LRRC4C: variants seen among roughly 807,000 people sequenced by gnomAD.
LRRC4C encodes the protein leucine-rich repeat-containing protein 4C.
Under a neutral mutation model 33.6 loss-of-function variants are expected in LRRC4C, and 5 were observed. That is an observed-to-expected ratio of 0.15 (90% CI 0.08 to 0.31). The LOEUF is 0.31. Among genes scored for constraint, LRRC4C ranks in the 10% least tolerant of loss-of-function variants. The probability of loss-of-function intolerance (pLI) is 1.00; values close to 1 mark genes in which losing one functional copy is unlikely to be tolerated. For missense variants in LRRC4C, 560 were observed against 796.7 expected, an observed-to-expected ratio of 0.70 and a Z score of 3.58; for synonymous variants, 329 against 302.0, an observed-to-expected ratio of 1.09 and a Z score of -0.93.
At chr11:40,496,265 TA>T (rs886534991) in intron 3 of LRRC4C, among the ~76,000 whole-genome samples, 5 of 133,152 alleles carry the variant, frequency 3.8e-5, no homozygotes, top group Non-Finnish European at 6.8e-5. Context: ...GCATAATCTC[TA>T]TTAGTTGTCT....
At chr11:40,484,740 A>G (rs949584772) in intron 3 of LRRC4C, among the ~76,000 whole-genome samples, 2 of 152,142 alleles carry the variant, frequency 1.3e-5, no homozygotes, top group African/African-American at 4.8e-5. Flanking sequence ...ATGGAAAAAA[A>G]GAATTATTCC....
At chr11:41,015,929 G>T (rs1264436393) in intron 1 of LRRC4C, among the ~76,000 whole-genome samples, 1 of 152,128 alleles carries the variant, frequency 6.6e-6, no homozygotes, top group Non-Finnish European at 1.5e-5. Flanking sequence ...GGCGGAGCTT[G>T]CAGTGAGCCG....
intron 1 of LRRC4C, among the ~76,000 whole-genome samples, chr11:41,015,413 C>T (rs1855510909): frequency 6.6e-6 from 1 of 152,132 alleles, no homozygotes; most frequent in Non-Finnish European, 1.5e-5. Context: ...ACTGCAACTT[C>T]TACCTCTTGA....
At chr11:41,422,306 C>G (rs1452247286) in intron 1 of LRRC4C, among the ~76,000 whole-genome samples, 1 of 151,976 alleles carries the variant, frequency 6.6e-6, no homozygotes, top group Non-Finnish European at 1.5e-5. Context: ...CCAACTATGA[C>G]AATCCCTTCT....
intron 1 of LRRC4C, among the ~76,000 whole-genome samples, chr11:41,155,359 G>T (rs1416341761): frequency 6.6e-6 from 1 of 152,126 alleles, no homozygotes. Context: ...TACACAGATT[G>T]TATGGTTATT....
At chr11:41,368,550 C>T (rs550361774) in intron 1 of LRRC4C, among the ~76,000 whole-genome samples, 6 of 152,264 alleles carry the variant, frequency 3.9e-5, no homozygotes, top group Non-Finnish European at 4.4e-5. Context: ...TTCTAAATAG[C>T]ACCTTTGGAA....
chr11:41,279,381 AACACACACACACACACACAC>A (rs575973002), intron 1 of LRRC4C, among the ~76,000 whole-genome samples: 39 of 126,458 alleles, frequency 3.1e-4, no homozygotes, highest in Non-Finnish European at 3.7e-4. Flanking sequence ...CACACACACA[AACACACACACACACACACAC>A]ACACACACAC....
At chr11:41,219,539 G>A (rs923779661) in intron 1 of LRRC4C, among the ~76,000 whole-genome samples, 2 of 152,184 alleles carry the variant, frequency 1.3e-5, no homozygotes, top group Non-Finnish European at 2.9e-5. Flanking sequence ...TAAAGGTGTA[G>A]CTGTATTTAG....
chr11:41,126,445 A>C (rs1942746479), intron 1 of LRRC4C, among the ~76,000 whole-genome samples: 1 of 151,998 alleles, frequency 6.6e-6, no homozygotes, highest in African/African-American at 2.4e-5. Flanking sequence ...AAGGCTTCAG[A>C]CATCAATCTT....
intron 1 of LRRC4C, among the ~76,000 whole-genome samples, chr11:40,992,226 C>T (rs1334195161): frequency 6.6e-6 from 1 of 152,076 alleles, no homozygotes; most frequent in African/African-American, 2.4e-5. Context: ...TATGAGAATT[C>T]AGGTCTCCTC....
At chr11:40,766,093 A>G (rs1281496361) in intron 2 of LRRC4C, among the ~76,000 whole-genome samples, 6 of 151,680 alleles carry the variant, frequency 4.0e-5, no homozygotes, top group Middle Eastern at 3.4e-3. Context: ...GAAAAAAAAA[A>G]AAACATACAA....
At position 40,983,614 on chromosome 11, in the gene LRRC4C, T is replaced by C. The variant is rs145365398; in HGVS notation, c.-495-49891A>G. On this transcript the variant is annotated intron_variant, in intron 1 of 6. Coordinates refer to ENST00000528697, the MANE Select transcript of LRRC4C (RefSeq NM_001258419.2). Reference sequence around the variant, plus strand: ...AACTATGCATCTGACAAAGGTCTAATATCCAGCATCTATAAGGAACTTAGA... The same window carrying C: ...AACTATGCATCTGACAAAGGTCTAACATCCAGCATCTATAAGGAACTTAGA... 4.2e-4 allele frequency among the ~76,000 whole-genome samples: 64 copies of C among 152,298 alleles called. 1 individual carries two copies. In the East Asian group the frequency reaches 0.012, roughly 28 times the overall value.
At chr11:40,438,215 A>G (rs1951227217) in intron 3 of LRRC4C, among the ~76,000 whole-genome samples, 1 of 152,170 alleles carries the variant, frequency 6.6e-6, no homozygotes, top group Non-Finnish European at 1.5e-5. Flanking sequence ...TGCCTGATAT[A>G]TGCTTCCCCT....
chr11:41,389,033 C>T (rs867420485), intron 1 of LRRC4C, among the ~76,000 whole-genome samples: 6 of 151,652 alleles, frequency 4.0e-5, no homozygotes, highest in Admixed American at 1.3e-4. Context: ...GGAAGGGATA[C>T]GATGGCATGG....
At chr11:41,246,711 A>G (rs1948466478) in intron 1 of LRRC4C, among the ~76,000 whole-genome samples, 1 of 152,102 alleles carries the variant, frequency 6.6e-6, no homozygotes. Context: ...ATGGTTTGCT[A>G]TTATTTTTGT....
chr11:41,139,141 A>C (rs994971155), intron 1 of LRRC4C, among the ~76,000 whole-genome samples: 3 of 152,220 alleles, frequency 2.0e-5, no homozygotes, highest in Admixed American at 2.0e-4. Context: ...TTGAATACTT[A>C]ATATAGTATT....
intron 1 of LRRC4C, among the ~76,000 whole-genome samples, chr11:41,052,205 C>A (rs1462217): frequency 6.6e-6 from 1 of 152,068 alleles, no homozygotes; most frequent in African/African-American, 2.4e-5. Flanking sequence ...GGATAGGGAA[C>A]AAATATTACT....
chr11:40,125,568 CCTT>C (rs1856161870), intron 6 of LRRC4C, among the ~76,000 whole-genome samples: 1 of 151,972 alleles, frequency 6.6e-6, no homozygotes, highest in Non-Finnish European at 1.5e-5. Context: ...CTCTCTCTCT[CCTT>C]ATTTCCTCAG....
intron 1 of LRRC4C, among the ~76,000 whole-genome samples, chr11:41,252,376 G>A (rs531732646): frequency 3.9e-5 from 6 of 152,172 alleles, no homozygotes; most frequent in Admixed American, 1.3e-4. Flanking sequence ...ACATTTCTGA[G>A]CTATCAAACT....
Sources: allele counts gnomAD v4.1 joint callset (sites outside exome capture counted in the v4.1 genomes callset), GRCh38; gene constraint gnomAD v4.1.1; transcripts MANE v1.5; gene names NCBI Gene and HGNC (gene_info 2026-07-23, HGNC 2026-07-21).